The following PALLD variants were observed in gnomAD, a reference collection of about 807,000 sequenced individuals.
The protein encoded by PALLD is palladin.
A neutral mutation model predicts 123.5 loss-of-function variants in PALLD; 61 were observed. That is an observed-to-expected ratio of 0.49 (90% CI 0.40 to 0.61). The LOEUF is 0.61. Ranked by LOEUF, PALLD falls within the 20% of genes least tolerant of loss-of-function variation. PALLD has a pLI of 0.00. For synonymous variants in PALLD, 465 were observed against 496.4 expected (o/e 0.94, Z 0.84); for missense variants, 1,273 against 1,377.0 (o/e 0.92, Z 1.20).
rs151216441 is a variant in PALLD, at chr4:168,517,778, C to T, written c.908+5366C>T. 1.8e-3 allele frequency among the ~76,000 whole-genome samples: 268 copies of T among 152,208 alleles called. 1 individual carries two copies. Among genetic ancestry groups the T allele is most frequent in the Non-Finnish European group, 2.8e-3 (189 of 68,026 alleles). Reference sequence around the variant, plus strand: ...TCCAGATGGCTTAGCCCAGGAGTATCGTTGTTGTTAAAGAATATAGTCAGC... The same window carrying T: ...TCCAGATGGCTTAGCCCAGGAGTATTGTTGTTGTTAAAGAATATAGTCAGC... On this transcript the variant is annotated intron_variant, in intron 2 of 21. Coordinates refer to ENST00000505667, the MANE Select transcript of PALLD (RefSeq NM_001166108.2).
chr4:168,794,006 C>G (rs1027415231), intron 10 of PALLD, among the ~76,000 whole-genome samples: 17 of 152,206 alleles, frequency 1.1e-4, no homozygotes, highest in Admixed American at 6.5e-5. Flanking sequence ...GGTTGGCCTC[C>G]TCTCTGGCTG....
At chr4:168,748,089 G>C (rs1201927500) in intron 10 of PALLD, among the ~76,000 whole-genome samples, 2 of 150,590 alleles carry the variant, frequency 1.3e-5, no homozygotes, top group Non-Finnish European at 3.0e-5. Flanking sequence ...TGACACAAAG[G>C]TTTCAGTATT....
At chr4:168,633,456 C>T (rs1438346604) in intron 2 of PALLD, among the ~76,000 whole-genome samples, 2 of 152,192 alleles carry the variant, frequency 1.3e-5, no homozygotes, top group East Asian at 3.8e-4. Context: ...CTGAAAAGAT[C>T]ATAACTAGTA....
chr4:168,668,106 C>A, intron 2 of PALLD, 84 bp from the exon 3 acceptor site: 1 of 1,059,228 alleles, frequency 9.4e-7, no homozygotes. Flanking sequence ...GCATAGCAAC[C>A]AGCCTTCACT....
intron 2 of PALLD, among the ~76,000 whole-genome samples, chr4:168,578,811 TA>T (rs149159855): frequency 5.3e-5 from 8 of 151,364 alleles, no homozygotes; most frequent in Non-Finnish European, 7.4e-5. Context: ...TCCCAGTGCT[TA>T]AAAAAAAACC....
chr4:168,877,630 T>C, intron 10 of PALLD: 1 of 589,816 alleles, frequency 1.7e-6, no homozygotes, highest in Non-Finnish European at 2.2e-6. Context: ...CTGGCCTAAG[T>C]GCCAAGCGAT....
chr4:168,890,907 G>T lies in PALLD; in HGVS notation c.1965-15G>T. 6.2e-7 allele frequency: 1 copy of T among 1,613,886 alleles called. No individual in the cohort carries two copies. Among genetic ancestry groups the T allele is most frequent in the Non-Finnish European group, 8.5e-7 (1 of 1,179,816 alleles). On this transcript the variant is annotated splice_polypyrimidine_tract_variant and intron_variant, in intron 10 of 21. Coordinates refer to ENST00000505667, the MANE Select transcript of PALLD (RefSeq NM_001166108.2). Reference sequence around the variant, plus strand: ...CTGACAACTAACTATACTGCCTTGTGTTTTTATCCTGCAGAGGATTTCCAA... The same window carrying T: ...CTGACAACTAACTATACTGCCTTGTTTTTTTATCCTGCAGAGGATTTCCAA...
intron 10 of PALLD, among the ~76,000 whole-genome samples, chr4:168,860,062 A>G (rs1051624617): frequency 5.9e-5 from 9 of 152,234 alleles, no homozygotes; most frequent in Non-Finnish European, 8.8e-5. Context: ...AATGGCTACC[A>G]TAGTGGGACA....
intron 2 of PALLD, among the ~76,000 whole-genome samples, chr4:168,661,105 A>G (rs7656936): frequency 1.3e-5 from 2 of 151,752 alleles, no homozygotes; most frequent in East Asian, 3.9e-4. Context: ...GGGTTTCACC[A>G]TGCTGGCCAG....
chr4:168,650,932 A>T (rs1777978122), intron 2 of PALLD, among the ~76,000 whole-genome samples: 1 of 152,182 alleles, frequency 6.6e-6, no homozygotes, highest in Non-Finnish European at 1.5e-5. Context: ...ATTATTTGCT[A>T]AATACATAAA....
chr4:168,759,968 T>G (rs1398842769), intron 10 of PALLD, among the ~76,000 whole-genome samples: 1 of 151,598 alleles, frequency 6.6e-6, no homozygotes, highest in Non-Finnish European at 1.5e-5. Flanking sequence ...GCATGAGAAT[T>G]GCTGGAACCC....
At chr4:168,910,138 T>C (rs1469441579) in intron 15 of PALLD, among the ~76,000 whole-genome samples, 3 of 152,048 alleles carry the variant, frequency 2.0e-5, no homozygotes, top group Non-Finnish European at 4.4e-5. Context: ...TTTGTATATA[T>C]GGTTCTAAGC....
intron 1 of PALLD, chr4:168,506,014 T>C (rs1761965302): frequency 6.6e-6 from 1 of 152,214 alleles, no homozygotes; most frequent in Non-Finnish European, 1.5e-5. Context: ...CCAGCATATA[T>C]GTCAAAGGCC....
chr4:168,624,675 T>C lies in PALLD; in HGVS notation c.909-43515T>C, dbSNP rs1775069743. ...TAATCTTTATTTTTAGATTACATTATATAGTTAGAAATACAAGAGAATTGG... is the reference window on the plus strand; with the variant it reads ...TAATCTTTATTTTTAGATTACATTACATAGTTAGAAATACAAGAGAATTGG... On this transcript the variant is annotated intron_variant, in intron 2 of 21. Transcript: ENST00000505667. Among the ~76,000 whole-genome samples, 3 of 152,302 alleles carry C rather than the reference T, an allele frequency of 2.0e-5. No homozygotes were observed. The South Asian group carries it at 6.2e-4, about 32-fold the overall frequency.
At chr4:168,576,883 A>C (rs537970506) in intron 2 of PALLD, among the ~76,000 whole-genome samples, 2 of 152,224 alleles carry the variant, frequency 1.3e-5, no homozygotes, top group South Asian at 4.2e-4. Flanking sequence ...ATGAGATACC[A>C]TCTCACACCA....
chr4:168,873,021 T>C lies in PALLD; in HGVS notation c.1965-17901T>C, dbSNP rs1034649611. ...CTAATCTTAGCCAGATGGGAATATA[T>C]TGTGGAAACACCTAGCAGCTTACCC... On this transcript the variant is annotated intron_variant, in intron 10 of 21. Transcript: ENST00000505667. Among the ~76,000 whole-genome samples, 3 of 152,228 alleles carry C rather than the reference T, an allele frequency of 2.0e-5. No homozygotes were observed. In the East Asian group the frequency reaches 5.8e-4, roughly 29 times the overall value.
intron 10 of PALLD, among the ~76,000 whole-genome samples, chr4:168,741,785 C>G (rs1788374331): frequency 6.6e-6 from 1 of 152,164 alleles, no homozygotes; most frequent in Non-Finnish European, 1.5e-5. Context: ...ACATGAGTGC[C>G]TCTTCTGATG....
chr4:168,526,127 GC>G (rs1764020680), intron 2 of PALLD, among the ~76,000 whole-genome samples: 1 of 152,126 alleles, frequency 6.6e-6, no homozygotes, highest in Admixed American at 6.5e-5. Context: ...ATAGAGTTCA[GC>G]TTCCAACACA....
At chr4:168,836,681 G>C (rs114107142) in intron 10 of PALLD, among the ~76,000 whole-genome samples, 2 of 152,318 alleles carry the variant, frequency 1.3e-5, no homozygotes, top group African/African-American at 2.4e-5. Context: ...TAAGCTTGGC[G>C]TTGACGTCTA....
Sources: allele counts gnomAD v4.1 joint callset (sites outside exome capture counted in the v4.1 genomes callset), GRCh38; gene constraint gnomAD v4.1.1; transcripts MANE v1.5; gene names NCBI Gene and HGNC (gene_info 2026-07-23, HGNC 2026-07-21).